The following ALDH7A1 variants were observed in gnomAD, a reference collection of about 807,000 sequenced individuals.
ALDH7A1 encodes the protein aldehyde dehydrogenase 7 family member A1.
In ALDH7A1, 63 loss-of-function variants were observed where a neutral mutation model predicts 79.9. That is an observed-to-expected ratio of 0.79 (90% CI 0.64 to 0.97). ALDH7A1 has a LOEUF of 0.97. Among genes scored for constraint, ALDH7A1 ranks in the 50% least tolerant of loss-of-function variants. The probability of loss-of-function intolerance (pLI) is 0.00; values close to 1 mark genes in which losing one functional copy is unlikely to be tolerated. For missense variants in ALDH7A1, 627 were observed against 665.2 expected, an observed-to-expected ratio of 0.94 and a Z score of 0.63; for synonymous variants, 240 against 231.2, an observed-to-expected ratio of 1.04 and a Z score of -0.34.
chr5:126,551,945 G>T, intron 14 of ALDH7A1, 76 bp downstream of exon 14: 1 of 1,170,544 alleles, frequency 8.5e-7, no homozygotes, highest in Non-Finnish European at 1.3e-6. Flanking sequence ...GGTTCATCCA[G>T]TGAAATTTAA....
intron 5 of ALDH7A1, among the ~76,000 whole-genome samples, chr5:126,579,327 T>C (rs1310908273): frequency 1.3e-5 from 2 of 152,182 alleles, no homozygotes; most frequent in Non-Finnish European, 2.9e-5. Context: ...GGACCTTACC[T>C]TGGCTAACCT....
At chr5:126,583,077 A>T in intron 4 of ALDH7A1, 103 bp from the exon 5 acceptor site, 1 of 1,380,090 alleles carries the variant, frequency 7.2e-7, no homozygotes, top group East Asian at 2.3e-5. Flanking sequence ...AAATGTAATA[A>T]ACTGAAGAAA....
rs533938240 is a variant in ALDH7A1 at position 126,591,445 on chromosome 5, T to G, written c.312+1219A>C. ...TGTTGGACAGGCTGCTACTCTGCAATCCACCCCAACCCCACCCAACCCCCC... is the reference window on the plus strand; with the variant it reads ...TGTTGGACAGGCTGCTACTCTGCAAGCCACCCCAACCCCACCCAACCCCCC... On this transcript the variant is annotated intron_variant, in intron 3 of 17. Transcript: ENST00000409134. Among the ~76,000 whole-genome samples the G allele has an allele frequency of 2.6e-5, 4 of 151,002 alleles. No individual in the cohort carries two copies. In the South Asian group the frequency reaches 6.3e-4, roughly 24 times the overall value.
At chr5:126,550,129 G>GT (rs1749939742) in intron 15 of ALDH7A1, 67 bp downstream of exon 15, 2 of 1,552,210 alleles carry the variant, frequency 1.3e-6, no homozygotes, top group Admixed American at 1.7e-5. Context: ...GACTACAGCA[G>GT]TTTTTTTAAG....
chr5:126,574,754 T>C (rs1043997853), intron 7 of ALDH7A1, among the ~76,000 whole-genome samples: 2 of 151,698 alleles, frequency 1.3e-5, no homozygotes, highest in Non-Finnish European at 2.9e-5. Flanking sequence ...TTGCCCACAG[T>C]CTCCACCCCA....
In ALDH7A1 at chr5:126,546,654, A is replaced by AAG. The variant is rs200663499; in HGVS notation, c.1490-256_1490-255insCT. The stretch of plus-strand genomic sequence containing the variant: ...AAATGGAAACAGAAAGAAACGGTAA[A>AAG]AAAAAAAAAAAATCCCATTAGCTGG... On this transcript the variant is annotated intron_variant, in intron 16 of 17. Coordinates refer to ENST00000409134, the MANE Select transcript of ALDH7A1 (RefSeq NM_001182.5). Among the ~76,000 whole-genome samples, 3,007 of 151,458 alleles carry AAG rather than the reference A, an allele frequency of 0.02. 117 individuals are homozygous for AAG. Among genetic ancestry groups the AAG allele is most frequent in the African/African-American group, 0.07 (2,872 of 41,264 alleles).
chr5:126,552,476 T>A (rs1304490210), intron 13 of ALDH7A1, among the ~76,000 whole-genome samples: 1 of 152,174 alleles, frequency 6.6e-6, no homozygotes, highest in East Asian at 1.9e-4. Flanking sequence ...CACTGCAACC[T>A]CCGTCTCCCG....
intron 11 of ALDH7A1, among the ~76,000 whole-genome samples, chr5:126,558,925 T>G (rs1440159160): frequency 6.6e-6 from 1 of 152,270 alleles, no homozygotes; most frequent in East Asian, 1.9e-4. Context: ...TTTATCTTGT[T>G]TTGTTCTCTA....
chr5:126,593,160 A>T (rs960224132), intron 2 of ALDH7A1, among the ~76,000 whole-genome samples, 191 bp downstream of exon 2: 5 of 152,140 alleles, frequency 3.3e-5, no homozygotes, highest in African/African-American at 1.2e-4. Context: ...CCAAGAGAGG[A>T]CAGTCTCCCC....
At chr5:126,574,914 A>C (rs768611156) in intron 7 of ALDH7A1, among the ~76,000 whole-genome samples, 1 of 152,190 alleles carries the variant, frequency 6.6e-6, no homozygotes, top group Non-Finnish European at 1.5e-5. Flanking sequence ...TTTATGACTT[A>C]ACCAGAGCTG....
At chr5:126,556,309 C>T (rs1285447876) in intron 11 of ALDH7A1, among the ~76,000 whole-genome samples, 1 of 129,188 alleles carries the variant, frequency 7.7e-6, no homozygotes, top group African/African-American at 2.9e-5. Context: ...GTGGCATGAT[C>T]TCAGCTCACT....
Position 126,559,605 on chromosome 5 carries a change from G to A in ALDH7A1, c.914-271C>T, listed in dbSNP as rs113623601. ...GTGCCACCACGCTTGGCTAATTTTT[G>A]TCTTTTTAGTAGCAATGGGGTGTCA... On this transcript the variant is annotated intron_variant, in intron 10 of 17. Transcript: ENST00000409134. Among the ~76,000 whole-genome samples the A allele has an allele frequency of 1.5e-3, 221 of 152,010 alleles. 1 individual carries two copies. Among genetic ancestry groups the A allele is most frequent in the African/African-American group, 5.1e-3 (211 of 41,492 alleles).
intron 5 of ALDH7A1, among the ~76,000 whole-genome samples, chr5:126,580,984 C>T (rs1751154776): frequency 6.6e-6 from 1 of 152,162 alleles, no homozygotes; most frequent in African/African-American, 2.4e-5. Context: ...GCCACCATGC[C>T]TCACTAATTT....
At chr5:126,569,070 G>A (rs73343315) in intron 8 of ALDH7A1, 14,953 of 152,572 alleles carry the variant, frequency 0.098, 742 homozygotes, top group African/African-American at 0.12. Flanking sequence ...GCAGGAGGTA[G>A]GCAGCAGGCA....
At chr5:126,584,322 A>C (rs1751281458) in intron 3 of ALDH7A1, 1 of 365,444 alleles carries the variant, frequency 2.7e-6, no homozygotes, top group Admixed American at 4.2e-5. Flanking sequence ...GAGACAGAGA[A>C]AAACAGCAAG....
At chr5:126,550,054 A>G (rs1159565222) in intron 15 of ALDH7A1, 52 bp from the exon 16 acceptor site, 1 of 1,589,198 alleles carries the variant, frequency 6.3e-7, no homozygotes, top group South Asian at 1.1e-5. Context: ...ATTAAAAACA[A>G]ACAAAAATAA....
rs1749623036 is a variant in ALDH7A1, at chr5:126,542,146, G to GAAAAAAAAGAAAAAGAAAAAA, written c.*2818_*2819insTTTTTTCTTTTTCTTTTTTTT. The GAAAAAAAAGAAAAAGAAAAAA allele has an allele frequency of 1.1e-5, 1 of 94,556 alleles. No individual in the cohort carries two copies. Among genetic ancestry groups the GAAAAAAAAGAAAAAGAAAAAA allele is most frequent in the Non-Finnish European group, 2.3e-5 (1 of 43,306 alleles). 5.9% of individuals were successfully genotyped at this position (94,556 alleles called of 1,614,324 possible). A position where few individuals can be genotyped will look rare whatever the true frequency, so the allele number is the denominator to read the frequency against. On this transcript the variant is annotated 3_prime_UTR_variant, in exon 18 of 18. Transcript: ENST00000409134. ...TTCTGCAGGATAAGCTCCAGGTGTA[G>GAAAAAAAAGAAAAAGAAAAAA]AAAAAAAAAAAAAAAAAAAAGTTTG...
rs547056203 is a variant in ALDH7A1 at position 126,590,561 on chromosome 5, G to A, written c.312+2103C>T. ...TGAGACTCCGTCTCAAAAGAAAAAA[G>A]TATGTATGTATAGGAAAACAACAAT... On this transcript the variant is annotated intron_variant, in intron 3 of 17. Transcript: ENST00000409134. Among the ~76,000 whole-genome samples, 366 of 152,058 alleles carry A rather than the reference G, an allele frequency of 2.4e-3. 3 individuals carry two copies. Among genetic ancestry groups the A allele is most frequent in the African/African-American group, 7.8e-3 (325 of 41,486 alleles).
chr5:126,550,038 C>A (rs1749936669), intron 15 of ALDH7A1, 36 bp from the exon 16 acceptor site: 1 of 1,598,888 alleles, frequency 6.3e-7, no homozygotes, highest in Admixed American at 1.7e-5. Flanking sequence ...GAGCAATGAA[C>A]AGGAAATTAA....
Sources: gnomAD v4.1 joint callset for allele counts (sites outside exome capture counted in the v4.1 genomes callset) on GRCh38, gnomAD v4.1.1 for gene constraint, MANE v1.5 for transcripts, NCBI Gene and HGNC (gene_info 2026-07-23, HGNC 2026-07-21) for gene names.